The following RB1 variants were observed in gnomAD, a reference collection of about 807,000 sequenced individuals.
The protein encoded by RB1 is RB transcriptional corepressor 1.
A neutral mutation model predicts 135.4 loss-of-function variants in RB1; 18 were observed. That is an observed-to-expected ratio of 0.13 (90% CI 0.09 to 0.20). The LOEUF (loss-of-function observed/expected upper bound fraction) is 0.20. RB1 is among the 10% of genes least tolerant of loss of function. The pLI is 1.00. For missense variants in RB1, 868 were observed against 1,110.0 expected, an observed-to-expected ratio of 0.78 and a Z score of 3.10; for synonymous variants, 365 against 373.2, an observed-to-expected ratio of 0.98 and a Z score of 0.25.
At chr13:48,324,845 T>G (rs962740236) in intron 2 of RB1, among the ~76,000 whole-genome samples, 9 of 136,796 alleles carry the variant, frequency 6.6e-5, no homozygotes, top group Non-Finnish European at 1.3e-4. Flanking sequence ...GTGCTTTTGT[T>G]TTTTTTTTGT....
At chr13:48,355,225 A>T (rs533123854) in intron 6 of RB1, among the ~76,000 whole-genome samples, 1 of 152,292 alleles carries the variant, frequency 6.6e-6, no homozygotes, top group South Asian at 2.1e-4. Flanking sequence ...TATGGGAAAA[A>T]ATCTAATAAT....
At chr13:48,420,002 A>C (rs1948980737) in intron 17 of RB1, among the ~76,000 whole-genome samples, 1 of 152,236 alleles carries the variant, frequency 6.6e-6, no homozygotes, top group South Asian at 2.1e-4. Context: ...TATTCCAAGC[A>C]ATAGAAGAAA....
intron 17 of RB1, among the ~76,000 whole-genome samples, chr13:48,420,289 A>T (rs938290871): frequency 8.5e-5 from 13 of 152,236 alleles, no homozygotes; most frequent in African/African-American, 3.1e-4. Context: ...TAAAAACCAC[A>T]TGATTATGTC....
intron 17 of RB1, chr13:48,411,313 A>G: frequency 8.4e-7 from 1 of 1,187,912 alleles, no homozygotes; most frequent in Admixed American, 1.7e-5. Context: ...GTGGAAAAAT[A>G]GTTTGTCCAA....
intron 5 of RB1, 62 bp downstream of exon 5, chr13:48,347,925 A>C: frequency 2.4e-5 from 31 of 1,266,762 alleles, no homozygotes; most frequent in Non-Finnish European, 3.0e-5. Context: ...GAATAATCTC[A>C]AACATCTTGA....
chr13:48,316,954 C>T, intron 2 of RB1: 1 of 373,422 alleles, frequency 2.7e-6, no homozygotes, highest in South Asian at 3.5e-5. Flanking sequence ...CCCAAGGTGC[C>T]CTGGTCCTGG....
chr13:48,358,562 C>T (rs1454406949), intron 6 of RB1, among the ~76,000 whole-genome samples: 1 of 152,124 alleles, frequency 6.6e-6, no homozygotes, highest in Non-Finnish European at 1.5e-5. Context: ...TAACAGAACA[C>T]TTCTAGTGGC....
chr13:48,328,516 C>G, intron 2 of RB1: 1 of 774,872 alleles, frequency 1.3e-6, no homozygotes, highest in South Asian at 1.4e-5. Context: ...AGCTCCAGCT[C>G]ATTGCGACTT....
intron 19 of RB1, 49 bp from the exon 20 acceptor site, chr13:48,459,639 G>T (rs988843859): frequency 6.3e-7 from 1 of 1,597,978 alleles, no homozygotes; most frequent in Non-Finnish European, 8.6e-7. Flanking sequence ...AAATCTACTT[G>T]TAATTCAAAA....
chr13:48,353,392 C>T (rs1952565759), intron 6 of RB1, among the ~76,000 whole-genome samples: 1 of 151,854 alleles, frequency 6.6e-6, no homozygotes, highest in Non-Finnish European at 1.5e-5. Context: ...AAGATTGAAC[C>T]AGGAAGAAAT....
At chr13:48,345,952 TC>T (rs1008681549) in intron 4 of RB1, among the ~76,000 whole-genome samples, 1 of 151,994 alleles carries the variant, frequency 6.6e-6, no homozygotes, top group African/African-American at 2.4e-5. Context: ...CTCTATTTTC[TC>T]CCCCTTTTTC....
intron 17 of RB1, among the ~76,000 whole-genome samples, chr13:48,430,216 G>A (rs1949115212): frequency 6.6e-6 from 1 of 152,046 alleles, no homozygotes; most frequent in African/African-American, 2.4e-5. Flanking sequence ...CCCATACCCA[G>A]GGGAATTTAA....
At position 48,319,093 on chromosome 13, in the gene RB1, G is replaced by T; in HGVS notation, c.264+11687G>T. 3.3e-6 allele frequency: 2 copies of T among 613,088 alleles called. No homozygotes were observed. Among genetic ancestry groups the T allele is most frequent in the Admixed American group, 2.1e-5 (1 of 46,756 alleles). 38.0% of individuals were successfully genotyped at this position (613,088 alleles called of 1,614,324 possible). A position where few individuals can be genotyped will look rare whatever the true frequency, so the allele number is the denominator to read the frequency against. On this transcript the variant is annotated intron_variant, in intron 2 of 26. Coordinates refer to ENST00000267163, the MANE Select transcript of RB1 (RefSeq NM_000321.3). This position sits in a 1 kb window ranked among gnomAD's most constrained non-coding sequence, Gnocchi z 5.0. ...GGCACGAGGACCGTTCTACAAACTC[G>T]TTCCTGGAAGCCGGGCTCGCTGGAG... is the stretch of plus-strand genomic sequence containing the variant.
At chr13:48,463,032 G>A (rs138048175) in intron 20 of RB1, among the ~76,000 whole-genome samples, 43 of 152,246 alleles carry the variant, frequency 2.8e-4, no homozygotes, top group African/African-American at 1.0e-3. Context: ...GGCAATAGTA[G>A]GTAAGAGCAA....
intron 26 of RB1, 101 bp downstream of exon 26, chr13:48,477,505 A>C: frequency 2.1e-6 from 2 of 970,724 alleles, no homozygotes; most frequent in Non-Finnish European, 3.2e-6. Context: ...TTCAGTTGGC[A>C]GGTTTGTTTA....
chr13:48,348,638 T>G (rs1952518995), intron 5 of RB1, among the ~76,000 whole-genome samples: 3 of 151,564 alleles, frequency 2.0e-5, no homozygotes, highest in Admixed American at 2.0e-4. Flanking sequence ...CAGTATTTCT[T>G]TTACAAAATT....
rs148256441 is a variant in RB1, at chr13:48,382,774, C to T, written c.1695+1331C>T. 9.6e-3 allele frequency among the ~76,000 whole-genome samples: 1,465 copies of T among 152,230 alleles called. 24 individuals carry two copies. Among genetic ancestry groups the T allele is most frequent in the African/African-American group, 0.034 (1,403 of 41,538 alleles). Reference sequence around the variant, plus strand: ...TTAGTCATGAAGTCCTTGCCCATGCCGATGTCCTGAATGGTATTGCCTAGG... The same window carrying T: ...TTAGTCATGAAGTCCTTGCCCATGCTGATGTCCTGAATGGTATTGCCTAGG... On this transcript the variant is annotated intron_variant, in intron 17 of 26. Transcript: ENST00000267163.
intron 17 of RB1, among the ~76,000 whole-genome samples, chr13:48,390,169 CA>C (rs1369519415): frequency 6.6e-6 from 1 of 152,056 alleles, no homozygotes; most frequent in Admixed American, 6.6e-5. Flanking sequence ...AACAAGCAAA[CA>C]ACCCCAAAAC....
At chr13:48,414,794 A>G (rs1948880097) in intron 17 of RB1, among the ~76,000 whole-genome samples, 2 of 152,222 alleles carry the variant, frequency 1.3e-5, no homozygotes, top group South Asian at 4.1e-4. Context: ...AAAAAAGATG[A>G]GTATTACTTA....
Sources: allele counts gnomAD v4.1 joint callset (sites outside exome capture counted in the v4.1 genomes callset), GRCh38; gene constraint gnomAD v4.1.1; non-coding constraint Gnocchi (gnomAD v3.1); transcripts MANE v1.5; gene names NCBI Gene and HGNC (gene_info 2026-07-23, HGNC 2026-07-21).